Variants in FMN1 observed in about 807,000 individuals in gnomAD.
The protein encoded by FMN1 is formin-1.
In FMN1, 110 loss-of-function variants were observed where a neutral mutation model predicts 132.4. That is an observed-to-expected ratio of 0.83 (90% CI 0.71 to 0.97). The LOEUF (loss-of-function observed/expected upper bound fraction) is 0.97, where lower values mean the gene tolerates loss of function less well. Ranked by LOEUF, FMN1 falls within the 50% of genes least tolerant of loss-of-function variation. The pLI is 0.00. For synonymous variants in FMN1, 722 were observed against 651.7 expected (o/e 1.11, Z -1.64); for missense variants, 1,792 against 1,705.3 (o/e 1.05, Z -0.90).
intron 5 of FMN1, among the ~76,000 whole-genome samples, chr15:33,087,790 T>TTTAC (rs1286431739): frequency 3.1e-5 from 4 of 127,782 alleles, no homozygotes; most frequent in Non-Finnish European, 6.8e-5. Flanking sequence ...AAATGTGGTA[T>TTTAC]ATATTTACAT....
At chr15:32,917,304 C>T (rs1420103210) in intron 10 of FMN1, among the ~76,000 whole-genome samples, 2 of 152,204 alleles carry the variant, frequency 1.3e-5, no homozygotes, top group African/African-American at 4.8e-5. Context: ...GTTTCTCCTA[C>T]TGGACACTAG....
chr15:33,039,420 T>A (rs189785941), intron 6 of FMN1, among the ~76,000 whole-genome samples: 339 of 152,334 alleles, frequency 2.2e-3, no homozygotes, highest in African/African-American at 7.9e-3. Context: ...GCAAATATGA[T>A]AATTACTTGT....
At chr15:32,843,145 AAAAG>A (rs993320103) in intron 17 of FMN1, among the ~76,000 whole-genome samples, 2 of 151,700 alleles carry the variant, frequency 1.3e-5, no homozygotes, top group African/African-American at 4.8e-5. Context: ...GAAAAAAAAA[AAAAG>A]AAAGAAAGGT....
chr15:32,779,518 T>C (rs1026471893), intron 19 of FMN1, among the ~76,000 whole-genome samples: 19 of 152,142 alleles, frequency 1.2e-4, no homozygotes, highest in Non-Finnish European at 2.4e-4. Context: ...ACTGAAAGCA[T>C]GTACACTCTA....
chr15:33,012,821 G>A (rs994834873), intron 6 of FMN1: 7 of 650,572 alleles, frequency 1.1e-5, no homozygotes, highest in Admixed American at 2.0e-5. Flanking sequence ...GGTGGTGGAG[G>A]ATATGGTAGC....
Position 32,798,855 on chromosome 15 carries a change from C to T in FMN1, c.4079G>A (p.Ser1360Asn), listed in dbSNP as rs2057380634. Reference sequence around the variant, plus strand: ...CCGTTTCCAAATTGTCTTGAAGTCACTGCAGAACTCATACCACACCATAAA... The same window carrying T: ...CCGTTTCCAAATTGTCTTGAAGTCATTGCAGAACTCATACCACACCATAAA... The part of the protein sequence containing the change: ...YVFMVWYEFC[S>N]DFKTIWKRES... The change falls in exon 19 of 21, where the codon AGT becomes AAT. Residue 1360 changes from serine (S) to asparagine (N), a missense_variant. By Grantham distance (46) the Ser-to-Asn change is conservative. This residue lies in a region of FMN1 where 1,150 missense variants were observed against 1,043.1 expected (regional missense o/e 1.10). Transcript: ENST00000616417. 1.2e-5 allele frequency: 19 copies of T among 1,613,784 alleles called. No homozygotes were observed. In the East Asian group the frequency reaches 4.0e-4, roughly 34 times the overall value.
Position 33,155,040 on chromosome 15 carries a change from G to A in FMN1, c.-126C>T. 1.4e-6 allele frequency: 1 copy of A among 701,990 alleles called. No homozygotes were observed. The highest frequency in any genetic ancestry group is 2.3e-6 in the Non-Finnish European group (1 of 430,346). 43.5% of individuals were successfully genotyped at this position (701,990 alleles called of 1,614,324 possible). A position where few individuals can be genotyped will look rare whatever the true frequency, so the allele number is the denominator to read the frequency against. On this transcript the variant is annotated 5_prime_UTR_variant, in exon 4 of 21. Coordinates refer to ENST00000616417, the MANE Select transcript of FMN1 (RefSeq NM_001277313.2). ...AGCTGACAGTCATCTCCAGCAATGA[G>A]ACTGCCTGTTAGAGGAACAGGGGAA...
intron 15 of FMN1, 133 bp downstream of exon 15, chr15:32,898,701 T>C: frequency 1.7e-6 from 1 of 604,552 alleles, no homozygotes; most frequent in South Asian, 2.2e-5. Context: ...TGTGCTCATC[T>C]GTAAACCACG....
At position 33,035,289 on chromosome 15, in the gene FMN1, A is replaced by G. The variant is rs558007614; in HGVS notation, c.2162-27214T>C. Among the ~76,000 whole-genome samples the G allele has an allele frequency of 2.6e-5, 4 of 152,348 alleles. No individual in the cohort carries two copies. In the South Asian group the frequency reaches 8.3e-4, roughly 32 times the overall value. On this transcript the variant is annotated intron_variant, in intron 6 of 20. Coordinates refer to ENST00000616417, the MANE Select transcript of FMN1 (RefSeq NM_001277313.2). ...GTGATTTCCTATTGCTGACAAAGTC[A>G]TAGTCTATCTATATTCATGATGGAG...
chr15:32,787,011 C>T (rs2056902881), intron 19 of FMN1, among the ~76,000 whole-genome samples: 1 of 152,226 alleles, frequency 6.6e-6, no homozygotes, highest in Non-Finnish European at 1.5e-5. Context: ...CTGACCAGGG[C>T]TGTGAGGACC....
At chr15:32,879,002 A>C (rs1461071892) in intron 16 of FMN1, among the ~76,000 whole-genome samples, 3 of 152,154 alleles carry the variant, frequency 2.0e-5, no homozygotes, top group Admixed American at 6.5e-5. Flanking sequence ...TCCATTAATT[A>C]AACGGATGAA....
chr15:33,115,141 G>A (rs763592523), intron 4 of FMN1, among the ~76,000 whole-genome samples: 8 of 152,182 alleles, frequency 5.3e-5, no homozygotes, highest in Non-Finnish European at 4.4e-5. Context: ...CCTTCAAGGA[G>A]TCCAGTCTCC....
Position 32,910,514 on chromosome 15 carries a change from G to C in FMN1, c.3248C>G (p.Ser1083Cys). ...TGCCAGGGTCTCCAGATCAACCACG[G>C]AGTCATCCACATTGAAAATGGCTGC... ...IQQAIFNVDD[S>C]VVDLETLAAL... The change falls in exon 11 of 21, where the codon TCC becomes TGC. Residue 1083 changes from serine (S) to cysteine (C), a missense_variant. By Grantham distance (112) the Ser-to-Cys change is moderately radical. Around this residue, in one of 3 missense-constraint regions of FMN1, gnomAD observed 1,150 missense variants for 1,043.1 expected, o/e 1.10. Coordinates refer to ENST00000616417, the MANE Select transcript of FMN1 (RefSeq NM_001277313.2). 1 of 1,577,362 alleles carries C rather than the reference G, an allele frequency of 6.3e-7. No homozygotes were observed.
chr15:33,194,173 C>T (rs1966182688), intron 1 of FMN1, 113 bp from the exon 2 acceptor site: 1 of 137,008 alleles, frequency 7.3e-6, no homozygotes, highest in Non-Finnish European at 1.5e-5. Flanking sequence ...CCCCTCTGCG[C>T]TAAACACATC....
At chr15:32,890,058 T>A (rs1009360125) in intron 15 of FMN1, among the ~76,000 whole-genome samples, 1 of 152,268 alleles carries the variant, frequency 6.6e-6, no homozygotes, top group African/African-American at 2.4e-5. Flanking sequence ...CCACTTAGAA[T>A]AATATTCTCC....
intron 16 of FMN1, among the ~76,000 whole-genome samples, chr15:32,883,076 A>T (rs1043409998): frequency 6.6e-6 from 1 of 152,230 alleles, no homozygotes; most frequent in Non-Finnish European, 1.5e-5. Context: ...ACAAAGTTGA[A>T]TATCCATTAG....
intron 4 of FMN1, among the ~76,000 whole-genome samples, chr15:33,119,189 A>G (rs1310613736): frequency 6.6e-6 from 1 of 152,206 alleles, no homozygotes; most frequent in Non-Finnish European, 1.5e-5. Flanking sequence ...TCTATGTTCA[A>G]TGAACACCCT....
intron 4 of FMN1, among the ~76,000 whole-genome samples, chr15:33,114,122 G>C (rs1477425131): frequency 6.6e-6 from 1 of 152,192 alleles, no homozygotes; most frequent in Non-Finnish European, 1.5e-5. Flanking sequence ...CTCTGAGCCT[G>C]TTCTGCCGTC....
intron 7 of FMN1, among the ~76,000 whole-genome samples, chr15:33,000,451 G>GAAAAA (rs35351686): frequency 8.6e-6 from 1 of 115,636 alleles, no homozygotes; most frequent in Non-Finnish European, 1.7e-5. Flanking sequence ...TCCATCTCAG[G>GAAAAA]AAAAAAAAAA....
Sources: gnomAD v4.1 joint callset for allele counts (sites outside exome capture counted in the v4.1 genomes callset) on GRCh38, gnomAD v4.1.1 for gene constraint, gnomAD v4.1.1 regional missense constraint, MANE v1.5 for transcripts, NCBI Gene and HGNC (gene_info 2026-07-23, HGNC 2026-07-21) for gene names.